ABHD6: variants seen among roughly 807,000 people sequenced by gnomAD.
The protein encoded by ABHD6 is abhydrolase domain containing 6, acylglycerol lipase, also known as monoacylglycerol lipase ABHD6.
Under a neutral mutation model 38.8 loss-of-function variants are expected in ABHD6, and 33 were observed. The observed-to-expected ratio is 0.85, with a 90% CI of 0.64 to 1.14. The LOEUF (loss-of-function observed/expected upper bound fraction) is 1.14. Ranked by LOEUF, ABHD6 falls within the 50% of genes most tolerant of loss-of-function variation. ABHD6 has a pLI of 0.00. For missense variants in ABHD6, 380 were observed against 422.6 expected, an observed-to-expected ratio of 0.90 and a Z score of 0.88; for synonymous variants, 147 against 161.6, an observed-to-expected ratio of 0.91 and a Z score of 0.69.
In ABHD6 at chr3:58,256,106, C is replaced by G. The variant is rs1245777518; in HGVS notation, c.-25-456C>G. 1.0e-4 allele frequency among the ~76,000 whole-genome samples: 6 copies of G among 60,162 alleles called. 1 individual carries two copies. In the South Asian group the frequency reaches 1.3e-3, roughly 13 times the overall value. The allele number at this position is 60,162 out of a possible 152,430, so 39.5% of individuals were successfully genotyped here. On this transcript the variant is annotated intron_variant, in intron 2 of 9. Transcript: ENST00000478253. This position sits in a 1 kb window ranked among gnomAD's most constrained non-coding sequence, Gnocchi z 4.3. ...ACACACACACACACACACACACACA[C>G]ACATACACACACTACTTTTTCTCTC...
chr3:58,260,191 AG>A (rs1186333928), intron 3 of ABHD6, among the ~76,000 whole-genome samples: 1 of 152,248 alleles, frequency 6.6e-6, no homozygotes, highest in Non-Finnish European at 1.5e-5. Flanking sequence ...AAACCAGAGA[AG>A]CCCCACAGTG....
At position 58,264,387 on chromosome 3, in the gene ABHD6, G is replaced by GCACACACACA. The variant is rs61099164; in HGVS notation, c.120-2753_120-2744dup. ...GAACTTTATAACTGGTTATATAAAC[G>GCACACACACA]CACACACACACACACACACACACAC... is the stretch of plus-strand genomic sequence containing the variant. On this transcript the variant is annotated intron_variant, in intron 3 of 9. Transcript: ENST00000478253. Among the ~76,000 whole-genome samples the GCACACACACA allele has an allele frequency of 1.1e-3, 142 of 132,298 alleles. 1 individual carries two copies. The highest frequency in any genetic ancestry group is 1.0e-3 in the Non-Finnish European group (62 of 61,774). The allele number at this position is 132,298 out of a possible 152,430, so 86.8% of individuals were successfully genotyped here.
intron 3 of ABHD6, among the ~76,000 whole-genome samples, chr3:58,258,227 A>T (rs1275893430): frequency 1.3e-5 from 2 of 152,128 alleles, no homozygotes; most frequent in Admixed American, 6.6e-5. Context: ...GAATCGCCTG[A>T]TCCTGGGAGG....
At chr3:58,264,417 A>G (rs1041419133) in intron 3 of ABHD6, among the ~76,000 whole-genome samples, 43 of 141,408 alleles carry the variant, frequency 3.0e-4, no homozygotes, top group African/African-American at 1.1e-3. Context: ...ACACACACAC[A>G]CACACACACA....
chr3:58,258,499 A>T (rs1450206333), intron 3 of ABHD6: 1 of 319,328 alleles, frequency 3.1e-6, no homozygotes, highest in Non-Finnish European at 6.4e-6. Context: ...CTTTCTCATG[A>T]TGTGCTTCAT....
intron 2 of ABHD6, among the ~76,000 whole-genome samples, chr3:58,255,459 TGTC>T (rs2097432591): frequency 7.1e-6 from 1 of 141,256 alleles, no homozygotes; most frequent in African/African-American, 2.8e-5. Flanking sequence ...TTTAAAAGTC[TGTC>T]TTTTTTTTTT....
chr3:58,256,096 CACACACACACACAT>C lies in ABHD6; in HGVS notation c.-25-457_-25-444del, dbSNP rs924974241. On this transcript the variant is annotated intron_variant, in intron 2 of 9. Coordinates refer to ENST00000478253, the MANE Select transcript of ABHD6 (RefSeq NM_001320126.2). The surrounding 1 kb of genome is among the most constrained non-coding windows in gnomAD (Gnocchi z 4.3). ...CCACCAACACACACACACACACACACACACACACACACATACACACACTACTTTTTCTCTCCTGA... is the reference window on the plus strand; with the variant it reads ...CCACCAACACACACACACACACACACACACACACTACTTTTTCTCTCCTGA... Among the ~76,000 whole-genome samples, 31 of 147,542 alleles carry C rather than the reference CACACACACACACAT, an allele frequency of 2.1e-4. No individual in the cohort carries two copies. Among genetic ancestry groups the C allele is most frequent in the African/African-American group, 6.9e-4 (28 of 40,594 alleles).
Position 58,265,400 on chromosome 3 carries a change from A to G in ABHD6, c.120-1789A>G, listed in dbSNP as rs908812103. Among the ~76,000 whole-genome samples the G allele has an allele frequency of 7.2e-5, 11 of 152,170 alleles. No homozygotes were observed. Among genetic ancestry groups the G allele is most frequent in the Non-Finnish European group, 1.3e-4 (9 of 68,018 alleles). Reference sequence around the variant, plus strand: ...TTAAGGATATCATTCTGCAGCTGTCATATTCATTGCAAATATTTCCCCTAA... The same window carrying G: ...TTAAGGATATCATTCTGCAGCTGTCGTATTCATTGCAAATATTTCCCCTAA... On this transcript the variant is annotated intron_variant, in intron 3 of 9. Coordinates refer to ENST00000478253, the MANE Select transcript of ABHD6 (RefSeq NM_001320126.2). This position sits in a 1 kb window ranked among gnomAD's most constrained non-coding sequence, Gnocchi z 4.2.
In ABHD6 at chr3:58,272,632, A is replaced by G. The variant is rs538978115; in HGVS notation, c.523+1568A>G. Among the ~76,000 whole-genome samples, 39 of 152,290 alleles carry G rather than the reference A, an allele frequency of 2.6e-4. No homozygotes were observed. In the South Asian group the frequency reaches 2.9e-3, roughly 11 times the overall value. ...TTTGAGAATTGAAGGAACAGCATCT[A>G]TGGAAGGTTTTTAGATTTTAAATCA... On this transcript the variant is annotated intron_variant, in intron 6 of 9. Transcript: ENST00000478253.
chr3:58,275,744 T>C (rs1481015690), intron 7 of ABHD6, among the ~76,000 whole-genome samples: 1 of 152,188 alleles, frequency 6.6e-6, no homozygotes, highest in African/African-American at 2.4e-5. Context: ...GCTGCACCCA[T>C]CAACTCACCA....
At chr3:58,272,017 G>A (rs1024113992) in intron 6 of ABHD6, among the ~76,000 whole-genome samples, 2 of 152,032 alleles carry the variant, frequency 1.3e-5, no homozygotes, top group Non-Finnish European at 2.9e-5. Flanking sequence ...GTTGGCCTGA[G>A]TCCCTTGAAC....
At chr3:58,284,851 T>A (rs1337713123) in intron 7 of ABHD6, among the ~76,000 whole-genome samples, 1 of 152,140 alleles carries the variant, frequency 6.6e-6, no homozygotes, top group Non-Finnish European at 1.5e-5. Context: ...ACCTCCAGTT[T>A]CACGATATTA....
At position 58,285,254 on chromosome 3, in the gene ABHD6, G is replaced by C. The variant is rs1046361660; in HGVS notation, c.737-99G>C. 36 of 1,515,116 alleles carry C rather than the reference G, an allele frequency of 2.4e-5. No individual in the cohort carries two copies. The highest frequency in any genetic ancestry group is 3.4e-5 in the Admixed American group (2 of 59,500). 93.9% of individuals were successfully genotyped at this position (1,515,116 alleles called of 1,614,324 possible). ...ATGTCTCTTTGGGCCCCTGAAGAGA[G>C]GAAGTGGTGGCCTGGATCTGGTGAC... is the stretch of plus-strand genomic sequence containing the variant. On this transcript the variant is annotated intron_variant, in intron 8 of 9. Coordinates refer to ENST00000478253, the MANE Select transcript of ABHD6 (RefSeq NM_001320126.2). This position sits in a 1 kb window ranked among gnomAD's most constrained non-coding sequence, Gnocchi z 4.9.
chr3:58,267,319 A>C lies in ABHD6; in HGVS notation c.250A>C (p.Lys84Gln). ...ILMLHGFSAH[K>Q]DMWLSVVKFL... is the part of the protein sequence containing the mutation. Reference sequence around the variant, plus strand: ...CATGCTCCACGGATTCTCTGCCCACAAGGATATGTGGCTCAGTGTGGTCAA... The same window carrying C: ...CATGCTCCACGGATTCTCTGCCCACCAGGATATGTGGCTCAGTGTGGTCAA... The change falls in exon 4 of 10, where the codon AAG becomes CAG. Residue 84 changes from lysine to glutamine, a missense_variant. Physicochemically the swap from Lys to Gln is moderately conservative, Grantham distance 53. Coordinates refer to ENST00000478253, the MANE Select transcript of ABHD6 (RefSeq NM_001320126.2). This position sits in a 1 kb window ranked among gnomAD's most constrained non-coding sequence, Gnocchi z 4.3. 1 of 1,614,078 alleles carries C rather than the reference A, an allele frequency of 6.2e-7. No individual in the cohort carries two copies. Among genetic ancestry groups the C allele is most frequent in the African/African-American group, 1.3e-5 (1 of 75,020 alleles).
chr3:58,259,408 G>A lies in ABHD6; in HGVS notation c.119+2703G>A, dbSNP rs780642629. ...AAGTGTACAATTCAAGGCTGGGCAC[G>A]ATGGCTCACACCTGTAATCCCAGCA... On this transcript the variant is annotated intron_variant, in intron 3 of 9. Coordinates refer to ENST00000478253, the MANE Select transcript of ABHD6 (RefSeq NM_001320126.2). This position sits in a 1 kb window ranked among gnomAD's most constrained non-coding sequence, Gnocchi z 4.7. Among the ~76,000 whole-genome samples, 3 of 152,134 alleles carry A rather than the reference G, an allele frequency of 2.0e-5. No individual in the cohort carries two copies. The highest frequency in any genetic ancestry group is 4.8e-5 in the African/African-American group (2 of 41,404).
chr3:58,274,661 T>G lies in ABHD6; in HGVS notation c.527T>G (p.Leu176Arg). 1 of 1,614,020 alleles carries G rather than the reference T, an allele frequency of 6.2e-7. No individual in the cohort carries two copies. Among genetic ancestry groups the G allele is most frequent in the Non-Finnish European group, 8.5e-7 (1 of 1,179,906 alleles). Residue 176 changes from leucine to arginine, a missense_variant, in exon 7 of 10, where the codon CTG becomes CGG. Physicochemically the swap from Leu to Arg is moderately radical, Grantham distance 102 (BLOSUM62 -2). Coordinates refer to ENST00000478253, the MANE Select transcript of ABHD6 (RefSeq NM_001320126.2). ...CATTTGGGTTTGAATCCCACAGGCC[T>G]GCAGTACTCAACTGACAATCAATTT... ...SSLCLVCPAG[L>R]QYSTDNQFVQ...
intron 3 of ABHD6, among the ~76,000 whole-genome samples, chr3:58,258,117 G>T (rs750955138): frequency 6.6e-6 from 1 of 152,056 alleles, no homozygotes; most frequent in Non-Finnish European, 1.5e-5. Flanking sequence ...AGACCAGCCC[G>T]ACCAACATGG....
At chr3:58,292,451 G>A (rs77443153) in intron 9 of ABHD6, among the ~76,000 whole-genome samples, 253 of 152,296 alleles carry the variant, frequency 1.7e-3, no homozygotes, top group African/African-American at 5.8e-3. Context: ...GAAAAAGATG[G>A]AGGTGGATTG....
Position 58,285,572 on chromosome 3 carries a change from G to A in ABHD6, c.837+119G>A. ...GAGCTGATCGCTGCTGTCAGGAAGA[G>A]GGGGAAGGCACCTGTGTTGGGTGCC... is the stretch of plus-strand genomic sequence containing the variant. On this transcript the variant is annotated intron_variant, in intron 9 of 9. Coordinates refer to ENST00000478253, the MANE Select transcript of ABHD6 (RefSeq NM_001320126.2). This position sits in a 1 kb window ranked among gnomAD's most constrained non-coding sequence, Gnocchi z 4.9. 1 of 862,086 alleles carries A rather than the reference G, an allele frequency of 1.2e-6. No homozygotes were observed. The highest frequency in any genetic ancestry group is 1.9e-6 in the Non-Finnish European group (1 of 528,602). 53.4% of individuals were successfully genotyped at this position (862,086 alleles called of 1,614,324 possible). A position where few individuals can be genotyped will look rare whatever the true frequency, so the allele number is the denominator to read the frequency against.
Sources: gnomAD v4.1 joint callset for allele counts (sites outside exome capture counted in the v4.1 genomes callset) on GRCh38, gnomAD v4.1.1 for gene constraint, Gnocchi (gnomAD v3.1) non-coding constraint, MANE v1.5 for transcripts, NCBI Gene and HGNC (gene_info 2026-07-23, HGNC 2026-07-21) for gene names.